SNRPD3: variants seen among roughly 807,000 people sequenced by gnomAD.
SNRPD3 encodes small nuclear ribonucleoprotein Sm D3.
For synonymous variants in SNRPD3, 66 were observed against 58.4 expected, an observed-to-expected ratio of 1.13 and a Z score of -0.59; for missense variants, 73 against 167.5, an observed-to-expected ratio of 0.44 and a Z score of 3.11.
chr22:24,561,625 C>T (rs563161839), intron 2 of SNRPD3, among the ~76,000 whole-genome samples: 3 of 152,218 alleles, frequency 2.0e-5, no homozygotes, highest in Non-Finnish European at 2.9e-5. Context: ...GCCTGTCCTT[C>T]CCAGATCCAG....
intron 2 of SNRPD3, 148 bp from the exon 3 acceptor site, chr22:24,567,836 A>C (rs149935672): frequency 6.4e-6 from 4 of 620,788 alleles, no homozygotes; most frequent in African/African-American, 5.5e-5. Context: ...CCTGGTGTAC[A>C]CAGTTAGTAC....
chr22:24,559,309 C>G (rs543090048), intron 2 of SNRPD3, among the ~76,000 whole-genome samples: 19 of 152,140 alleles, frequency 1.2e-4, no homozygotes, highest in Non-Finnish European at 2.8e-4. Flanking sequence ...GTCAATAGAT[C>G]AGTTTATCTA....
In SNRPD3 at chr22:24,562,171, T is replaced by C. The variant is rs142030567; in HGVS notation, c.126+4371T>C. On this transcript the variant is annotated intron_variant, in intron 2 of 3. Coordinates refer to ENST00000215829, the MANE Select transcript of SNRPD3 (RefSeq NM_004175.5). ...CACCTGCCCTGTTTTGGGGTTTTAG[T>C]ATTTACTTTTTATTCTATCCTCTTT... Among the ~76,000 whole-genome samples, 297 of 152,370 alleles carry C rather than the reference T, an allele frequency of 1.9e-3. 2 individuals are homozygous for C. The highest frequency in any genetic ancestry group is 6.9e-3 in the African/African-American group (287 of 41,590).
At chr22:24,560,611 G>C (rs933399748) in intron 2 of SNRPD3, among the ~76,000 whole-genome samples, 1 of 149,524 alleles carries the variant, frequency 6.7e-6, no homozygotes, top group Non-Finnish European at 1.5e-5. Flanking sequence ...CGTATTTTTA[G>C]TAGAGATAGG....
At chr22:24,570,924 T>G (rs182389843) in intron 3 of SNRPD3, among the ~76,000 whole-genome samples, 27 of 151,550 alleles carry the variant, frequency 1.8e-4, no homozygotes, top group African/African-American at 6.6e-4. Context: ...GTTCAAGTGA[T>G]TCTCTTGCCT....
chr22:24,568,746 G>A (rs530514671), intron 3 of SNRPD3, among the ~76,000 whole-genome samples: 46 of 151,846 alleles, frequency 3.0e-4, no homozygotes, highest in African/African-American at 9.9e-4. Flanking sequence ...TAGTAGAAAC[G>A]GGGTTTCACC....
In SNRPD3 at chr22:24,560,726, T is replaced by C. The variant is rs1488061318; in HGVS notation, c.126+2926T>C. 4.8e-5 allele frequency among the ~76,000 whole-genome samples: 6 copies of C among 124,532 alleles called. 2 individuals carry two copies. The highest frequency in any genetic ancestry group is 1.6e-4 in the African/African-American group (5 of 30,854). 81.7% of individuals were successfully genotyped at this position (124,532 alleles called of 152,430 possible). Reference sequence around the variant, plus strand: ...CCACTGCACCTGGCCTTTTTTTTTTTTTTTTTTTTTTTTTTTTTTGAGACA... The same window carrying C: ...CCACTGCACCTGGCCTTTTTTTTTTCTTTTTTTTTTTTTTTTTTTGAGACA... On this transcript the variant is annotated intron_variant, in intron 2 of 3. Transcript: ENST00000215829.
intron 2 of SNRPD3, among the ~76,000 whole-genome samples, chr22:24,561,064 C>CTTTTTTTTTTTTTTTTTTTTTTTTT (rs1164120857): frequency 3.1e-4 from 19 of 61,688 alleles, no homozygotes; most frequent in East Asian, 9.5e-4. Context: ...TTTTTCTTTT[C>CTTTTTTTTTTTTTTTTTTTTTTTTT]TTTTTTTTTT....
In SNRPD3 at chr22:24,574,854, C is replaced by G. The variant is rs1427977110; in HGVS notation, c.*2877C>G. 6.6e-6 allele frequency among the ~76,000 whole-genome samples: 1 copy of G among 152,122 alleles called. No homozygotes were observed. The highest frequency in any genetic ancestry group is 1.9e-4 in the East Asian group (1 of 5,188). On this transcript the variant is annotated 3_prime_UTR_variant, in exon 4 of 4. Coordinates refer to ENST00000215829, the MANE Select transcript of SNRPD3 (RefSeq NM_004175.5). ...CGGCCACCATTATCTTTTGAATCCTCTCTTCCTCCTGCCCACCATGAATTT... is the reference window on the plus strand; with the variant it reads ...CGGCCACCATTATCTTTTGAATCCTGTCTTCCTCCTGCCCACCATGAATTT...
At chr22:24,563,344 G>T (rs1202679741) in intron 2 of SNRPD3, among the ~76,000 whole-genome samples, 1 of 151,500 alleles carries the variant, frequency 6.6e-6, no homozygotes, top group Non-Finnish European at 1.5e-5. Context: ...ATATGTGTAT[G>T]TGAAACTCAG....
intron 2 of SNRPD3, among the ~76,000 whole-genome samples, chr22:24,566,988 G>A (rs972125058): frequency 1.3e-5 from 2 of 152,084 alleles, no homozygotes; most frequent in African/African-American, 4.8e-5. Flanking sequence ...GTCATTATTC[G>A]ACTGCTCTGG....
rs752660361 is a variant in SNRPD3 at position 24,557,747 on chromosome 22, G to A, written c.73G>A (p.Gly25Ser). 5.0e-6 allele frequency: 8 copies of A among 1,612,110 alleles called. No homozygotes were observed. The highest frequency in any genetic ancestry group is 2.2e-5 in the East Asian group (1 of 44,730). ...CATTGTGACATGTGAGACGAACACC[G>A]GTGAGGTATATCGGGGGAAGCTCAT... ...GHIVTCETNT[G>S]EVYRGKLIEA... The change falls in exon 2 of 4, where the codon GGT becomes AGT. Residue 25 changes from glycine (G) to serine (S), a missense_variant. Coordinates refer to ENST00000215829, the MANE Select transcript of SNRPD3 (RefSeq NM_004175.5).
chr22:24,562,958 C>G (rs1284228066), intron 2 of SNRPD3, among the ~76,000 whole-genome samples: 2 of 152,166 alleles, frequency 1.3e-5, no homozygotes, highest in Non-Finnish European at 2.9e-5. Flanking sequence ...CACTCAGATA[C>G]AGGAGACACT....
intron 2 of SNRPD3, among the ~76,000 whole-genome samples, chr22:24,560,172 A>G (rs1263475539): frequency 4.0e-5 from 1 of 24,804 alleles, no homozygotes; most frequent in Admixed American, 7.5e-4. Context: ...GCTGGAGTGC[A>G]GTGGCGCGAT....
Position 24,563,278 on chromosome 22 carries a change from A to G in SNRPD3, c.127-4706A>G, listed in dbSNP as rs1012707646. On this transcript the variant is annotated intron_variant, in intron 2 of 3. Transcript: ENST00000215829. The stretch of plus-strand genomic sequence containing the variant: ...TGTATGTATATATGTATGTATATAT[A>G]TGTGTGTGTGTGTGTATATATATAT... Among the ~76,000 whole-genome samples, 63 of 143,612 alleles carry G rather than the reference A, an allele frequency of 4.4e-4. No individual in the cohort carries two copies. In the East Asian group the frequency reaches 7.8e-3, roughly 18 times the overall value. 94.2% of individuals were successfully genotyped at this position (143,612 alleles called of 152,430 possible).
In SNRPD3 at chr22:24,570,815, C is replaced by CTTT. The variant is rs10705174; in HGVS notation, c.320-1082_320-1080dup. ...TTCTTTTTGCTACTATGAAATAATT[C>CTTT]TTTTTTTTTTTTTTTTTTTTTGGAG... On this transcript the variant is annotated intron_variant, in intron 3 of 3. Transcript: ENST00000215829. 1.3e-3 allele frequency among the ~76,000 whole-genome samples: 136 copies of CTTT among 106,668 alleles called. 1 individual carries two copies. The highest frequency in any genetic ancestry group is 4.1e-3 in the African/African-American group (127 of 31,170). 70.0% of individuals were successfully genotyped at this position (106,668 alleles called of 152,430 possible).
At chr22:24,555,936 A>G, upstream of SNRPD3, 2 of 1,164,876 alleles carry the variant, frequency 1.7e-6, no homozygotes, top group Non-Finnish European at 2.4e-6. Flanking sequence ...TGGGGAAAGG[A>G]AGGAGGCGGG....
rs955728119 is a variant in SNRPD3 at position 24,572,023 on chromosome 22, C to A, written c.*46C>A. ...TTTGTCCTTTTTTCTTTCAGGTTAT[C>A]TGAGTTCATTGGAGTGGGTGCTTGT... On this transcript the variant is annotated 3_prime_UTR_variant, in exon 4 of 4. Transcript: ENST00000215829. The A allele has an allele frequency of 8.7e-6, 14 of 1,610,670 alleles. No individual in the cohort carries two copies. Among genetic ancestry groups the A allele is most frequent in the Non-Finnish European group, 1.1e-5 (13 of 1,178,076 alleles).
chr22:24,556,663 T>C (rs958434175), intron 1 of SNRPD3, among the ~76,000 whole-genome samples: 1 of 152,256 alleles, frequency 6.6e-6, no homozygotes, highest in Non-Finnish European at 1.5e-5. Flanking sequence ...ATCCATTTTG[T>C]AAATAAATGC....
Sources: gnomAD v4.1 joint callset for allele counts (sites outside exome capture counted in the v4.1 genomes callset) on GRCh38, gnomAD v4.1.1 for gene constraint, MANE v1.5 for transcripts, NCBI Gene and HGNC (gene_info 2026-07-23, HGNC 2026-07-21) for gene names.